KCNQ1: variants seen among roughly 807,000 people sequenced by gnomAD.
The protein encoded by KCNQ1 is potassium voltage-gated channel subfamily Q member 1, also known as potassium voltage-gated channel subfamily KQT member 1.
In KCNQ1, 49 loss-of-function variants were observed where a neutral mutation model predicts 72.4. The observed-to-expected ratio is 0.68, with a 90% CI of 0.54 to 0.86. KCNQ1 has a LOEUF of 0.86. KCNQ1 is among the 40% of genes least tolerant of loss of function. The pLI, the probability that KCNQ1 is intolerant of heterozygous loss-of-function variation, is 0.00. For synonymous variants in KCNQ1, 450 were observed against 412.6 expected (o/e 1.09, Z -1.10); for missense variants, 790 against 945.1 (o/e 0.84, Z 2.15).
intron 15 of KCNQ1, among the ~76,000 whole-genome samples, chr11:2,795,829 C>T (rs541038629): frequency 3.3e-5 from 5 of 152,354 alleles, no homozygotes; most frequent in African/African-American, 1.2e-4. Context: ...CTCTCCAGCT[C>T]TCATCCCCTG....
At chr11:2,742,205 C>T (rs1846065441) in intron 11 of KCNQ1, among the ~76,000 whole-genome samples, 1 of 152,214 alleles carries the variant, frequency 6.6e-6, no homozygotes, top group Non-Finnish European at 1.5e-5. Context: ...CAGCGGGTGG[C>T]TTGGGGGGTA....
At position 2,626,017 on chromosome 11, in the gene KCNQ1, T is replaced by C. The variant is rs1849255733; in HGVS notation, c.1394-35944T>C. ...GTCTTATTGCTTAGTTGATATTATT[T>C]TAATGCACACAATGTAAATTTTTAA... On this transcript the variant is annotated intron_variant, in intron 10 of 15. Transcript: ENST00000155840. This position sits in a 1 kb window ranked among gnomAD's most constrained non-coding sequence, Gnocchi z 4.0. 1 of 398,530 alleles carries C rather than the reference T, an allele frequency of 2.5e-6. No individual in the cohort carries two copies. Among genetic ancestry groups the C allele is most frequent in the Admixed American group, 4.4e-5 (1 of 22,718 alleles). 24.7% of individuals were successfully genotyped at this position (398,530 alleles called of 1,614,324 possible).
intron 1 of KCNQ1, chr11:2,461,408 G>A: frequency 7.9e-7 from 1 of 1,273,622 alleles, no homozygotes; most frequent in South Asian, 1.3e-5. Context: ...CTGCTGACTG[G>A]GTGAGCCGGC....
intron 1 of KCNQ1, among the ~76,000 whole-genome samples, chr11:2,472,189 A>G (rs1846490102): frequency 1.5e-5 from 2 of 137,318 alleles, no homozygotes; most frequent in Admixed American, 7.4e-5. Flanking sequence ...GTATATGTGC[A>G]TGTCTATGTG....
Position 2,601,476 on chromosome 11 carries a change from A to G in KCNQ1, c.1393+12622A>G, listed in dbSNP as rs1425442333. 2.6e-5 allele frequency among the ~76,000 whole-genome samples: 4 copies of G among 152,206 alleles called. No homozygotes were observed. Among genetic ancestry groups the G allele is most frequent in the African/African-American group, 9.6e-5 (4 of 41,458 alleles). ...GTAGCATCTTCTAAAACCATAGCAC[A>G]ATATGATAACCAGGATGTCAACAGC... On this transcript the variant is annotated intron_variant, in intron 10 of 15. Transcript: ENST00000155840. The surrounding 1 kb of genome is among the most constrained non-coding windows in gnomAD (Gnocchi z 5.2).
At chr11:2,770,365 C>T (rs943609421) in intron 12 of KCNQ1, among the ~76,000 whole-genome samples, 1 of 152,248 alleles carries the variant, frequency 6.6e-6, no homozygotes, top group South Asian at 2.1e-4. Flanking sequence ...ACGTGCCTCA[C>T]CCGGGCCTTG....
intron 11 of KCNQ1, among the ~76,000 whole-genome samples, chr11:2,738,564 T>C (rs900014776): frequency 3.3e-5 from 5 of 152,158 alleles, no homozygotes; most frequent in Non-Finnish European, 1.5e-5. Flanking sequence ...CAGAGTGCCC[T>C]TGGAGGCTGG....
chr11:2,555,104 G>A (rs191800070), intron 2 of KCNQ1, among the ~76,000 whole-genome samples: 1 of 152,266 alleles, frequency 6.6e-6, no homozygotes, highest in African/African-American at 2.4e-5. Context: ...GTGGGTTGCA[G>A]CTCCTCAATC....
chr11:2,795,407 G>A (rs994223705), intron 15 of KCNQ1, among the ~76,000 whole-genome samples: 4 of 152,204 alleles, frequency 2.6e-5, no homozygotes, highest in Non-Finnish European at 5.9e-5. Context: ...GTGAAGTTCT[G>A]GAGCAAAAAG....
At position 2,745,964 on chromosome 11, in the gene KCNQ1, A is replaced by G. The variant is rs1846133523; in HGVS notation, c.1515-22880A>G. 1.3e-5 allele frequency among the ~76,000 whole-genome samples: 2 copies of G among 152,168 alleles called. No homozygotes were observed. The highest frequency in any genetic ancestry group is 3.9e-4 in the East Asian group (2 of 5,188). The stretch of plus-strand genomic sequence containing the variant: ...GAGTGCAGTGGTGCGATCTCGGCTC[A>G]CTGCAAACTCCACCTCCCGGGTTCA... On this transcript the variant is annotated intron_variant, in intron 11 of 15. Transcript: ENST00000155840. This position sits in a 1 kb window ranked among gnomAD's most constrained non-coding sequence, Gnocchi z 6.2.
intron 8 of KCNQ1, among the ~76,000 whole-genome samples, chr11:2,586,530 G>A (rs556587559): frequency 3.3e-5 from 5 of 152,304 alleles, no homozygotes; most frequent in East Asian, 1.9e-4. Context: ...GGGTTCCCTC[G>A]GAAGCTGCAC....
At chr11:2,660,793 A>G (rs1849940394) in intron 10 of KCNQ1, 3 of 398,522 alleles carry the variant, frequency 7.5e-6, no homozygotes, top group South Asian at 1.3e-4. Flanking sequence ...TGGGAAAGCA[A>G]TCTAGCAACA....
chr11:2,575,220 G>T (rs1033087544), intron 6 of KCNQ1, among the ~76,000 whole-genome samples: 4 of 152,182 alleles, frequency 2.6e-5, no homozygotes, highest in African/African-American at 9.6e-5. Flanking sequence ...GCAAACATCC[G>T]CCCGCTGGCC....
chr11:2,803,578 C>T lies in KCNQ1; in HGVS notation c.1794+25541C>T, dbSNP rs878968047. Among the ~76,000 whole-genome samples the T allele has an allele frequency of 1.3e-5, 2 of 152,196 alleles. No individual in the cohort carries two copies. The highest frequency in any genetic ancestry group is 4.1e-4 in the South Asian group (2 of 4,826). ...GGGGTGATGGGGCTTCAGTGGAGCC[C>T]GCCAGGACTGGGGACACAAGCCTAG... On this transcript the variant is annotated intron_variant, in intron 15 of 15. Coordinates refer to ENST00000155840, the MANE Select transcript of KCNQ1 (RefSeq NM_000218.3). The surrounding 1 kb of genome is among the most constrained non-coding windows in gnomAD (Gnocchi z 6.4).
Position 2,654,464 on chromosome 11 carries a change from A to T in KCNQ1, c.1394-7497A>T, listed in dbSNP as rs1460661147. ...GGTTCCCGTGCTGAGCGCCAGGCAC[A>T]CATAAGCCCTGCAGCCGTACAGGGG... On this transcript the variant is annotated intron_variant, in intron 10 of 15. Coordinates refer to ENST00000155840, the MANE Select transcript of KCNQ1 (RefSeq NM_000218.3). This position sits in a 1 kb window ranked among gnomAD's most constrained non-coding sequence, Gnocchi z 6.4. The T allele has an allele frequency of 1.5e-5, 6 of 398,716 alleles. No individual in the cohort carries two copies. The highest frequency in any genetic ancestry group is 4.4e-6 in the Non-Finnish European group (1 of 226,192). The allele number at this position is 398,716 out of a possible 1,614,324, so 24.7% of individuals were successfully genotyped here.
chr11:2,792,536 T>G (rs1327649186), intron 15 of KCNQ1, among the ~76,000 whole-genome samples: 1 of 152,140 alleles, frequency 6.6e-6, no homozygotes, highest in African/African-American at 2.4e-5. Flanking sequence ...CAAGAAGAGG[T>G]TGCAGGGTGT....
chr11:2,609,376 G>GA, intron 10 of KCNQ1: 2 of 398,330 alleles, frequency 5.0e-6, no homozygotes, highest in Non-Finnish European at 8.9e-6. Context: ...ATTATATTCA[G>GA]AAAAAGATAC....
Position 2,657,888 on chromosome 11 carries a change from G to A in KCNQ1, c.1394-4073G>A. 2.5e-6 allele frequency: 1 copy of A among 398,604 alleles called. No homozygotes were observed. Among genetic ancestry groups the A allele is most frequent in the Non-Finnish European group, 4.4e-6 (1 of 226,056 alleles). The allele number at this position is 398,604 out of a possible 1,614,324, so 24.7% of individuals were successfully genotyped here. A position where few individuals can be genotyped will look rare whatever the true frequency, so the allele number is the denominator to read the frequency against. ...TAGGGGAAGGAGGCCAGTGAGGTGA[G>A]ATGCTTTCCTCATTGTGGAACATGA... On this transcript the variant is annotated intron_variant, in intron 10 of 15. Coordinates refer to ENST00000155840, the MANE Select transcript of KCNQ1 (RefSeq NM_000218.3). This position sits in a 1 kb window ranked among gnomAD's most constrained non-coding sequence, Gnocchi z 4.8.
Position 2,478,387 on chromosome 11 carries a change from G to C in KCNQ1, c.386+32903G>C, listed in dbSNP as rs564312542. 2.6e-5 allele frequency among the ~76,000 whole-genome samples: 4 copies of C among 152,270 alleles called. No homozygotes were observed. The South Asian group carries it at 8.3e-4, about 32-fold the overall frequency. On this transcript the variant is annotated intron_variant, in intron 1 of 15. Transcript: ENST00000155840. The surrounding 1 kb of genome is among the most constrained non-coding windows in gnomAD (Gnocchi z 4.0). ...ACCTGAGACTGGATAATTTATAAAG[G>C]GAAGAGGTTTAATTGACTCACAGTT...
Sources: gnomAD v4.1 joint callset for allele counts (sites outside exome capture counted in the v4.1 genomes callset) on GRCh38, gnomAD v4.1.1 for gene constraint, Gnocchi (gnomAD v3.1) non-coding constraint, MANE v1.5 for transcripts, NCBI Gene and HGNC (gene_info 2026-07-23, HGNC 2026-07-21) for gene names.